Variants in RELA observed in about 807,000 individuals in gnomAD.
RELA encodes the protein RELA proto-oncogene, NF-kB subunit, also known as transcription factor p65.
In RELA, 14 loss-of-function variants were observed where a neutral mutation model predicts 56.7. The observed-to-expected ratio is 0.25, with a 90% confidence interval of 0.16 to 0.39. The LOEUF is 0.39. Ranked by LOEUF, RELA falls within the 10% of genes least tolerant of loss-of-function variation. The pLI is 1.00. For missense variants in RELA, 559 were observed against 736.4 expected, an observed-to-expected ratio of 0.76 and a Z score of 2.79; for synonymous variants, 315 against 289.7, an observed-to-expected ratio of 1.09 and a Z score of -0.89.
rs1856474078 is a variant in RELA at position 65,658,024 on chromosome 11, A to G, written c.877+263T>C. ...CCACGTGAACCCAGGCAAGTTGGAC[A>G]CTATCTCCTACTTCAAAAGGGTCAT... On this transcript the variant is annotated intron_variant, in intron 8 of 10. Transcript: ENST00000406246. This position sits in a 1 kb window ranked among gnomAD's most constrained non-coding sequence, Gnocchi z 4.5. Among the ~76,000 whole-genome samples the G allele has an allele frequency of 1.3e-5, 2 of 152,252 alleles. No individual in the cohort carries two copies. The highest frequency in any genetic ancestry group is 1.9e-4 in the East Asian group (1 of 5,206).
intron 4 of RELA, chr11:65,660,689 ACTG>A: frequency 6.2e-6 from 1 of 161,560 alleles, no homozygotes; most frequent in Non-Finnish European, 1.4e-5. Context: ...CAGGACTGAA[ACTG>A]TTACTCTGAC....
intron 4 of RELA, among the ~76,000 whole-genome samples, chr11:65,661,178 C>G (rs965029179): frequency 2.6e-5 from 4 of 152,176 alleles, no homozygotes; most frequent in Admixed American, 6.5e-5. Context: ...TAGGCGCATG[C>G]CACCATACCC....
Position 65,662,803 on chromosome 11 carries a change from G to A in RELA, c.7+23C>T, listed in dbSNP as rs1856608060. The A allele has an allele frequency of 5.8e-6, 7 of 1,199,768 alleles. No individual in the cohort carries two copies. In the South Asian group the frequency reaches 2.5e-4, roughly 43 times the overall value. 74.3% of individuals were successfully genotyped at this position (1,199,768 alleles called of 1,614,324 possible). A position where few individuals can be genotyped will look rare whatever the true frequency, so the allele number is the denominator to read the frequency against. ...GCGGCGGCCCCGGCGATGCCACCCCGCGGGGTCAGAGGGCGACCTCACCGT... is the reference window on the plus strand; with the variant it reads ...GCGGCGGCCCCGGCGATGCCACCCCACGGGGTCAGAGGGCGACCTCACCGT... On this transcript the variant is annotated intron_variant, in intron 1 of 10. Coordinates refer to ENST00000406246, the MANE Select transcript of RELA (RefSeq NM_021975.4).
At chr11:65,660,843 C>G (rs1372364173) in intron 4 of RELA, 1 of 152,592 alleles carries the variant, frequency 6.6e-6, no homozygotes, top group African/African-American at 2.4e-5. Flanking sequence ...TTGAGACCAT[C>G]CTGGCTAACA....
rs1352289318 is a variant in RELA, at chr11:65,658,068, T to C, written c.877+219A>G. ...GGGTCATGAGATTAAAATCAGGTAA[T>C]CCAGTGAAGTGCCTGGAATAGGGGC... is the stretch of plus-strand genomic sequence containing the variant. On this transcript the variant is annotated intron_variant, in intron 8 of 10. Transcript: ENST00000406246. This position sits in a 1 kb window ranked among gnomAD's most constrained non-coding sequence, Gnocchi z 4.5. 6.6e-6 allele frequency among the ~76,000 whole-genome samples: 1 copy of C among 152,194 alleles called. No homozygotes were observed. Among genetic ancestry groups the C allele is most frequent in the East Asian group, 1.9e-4 (1 of 5,198 alleles).
At chr11:65,661,577 G>A in intron 4 of RELA, 110 bp downstream of exon 4, 1 of 1,013,432 alleles carries the variant, frequency 9.9e-7, no homozygotes, top group Non-Finnish European at 1.4e-6. Flanking sequence ...GTCAGGGCAA[G>A]GAGTGAGGAA....
At chr11:65,655,340 G>A in intron 10 of RELA, 1 of 568,782 alleles carries the variant, frequency 1.8e-6, no homozygotes, top group Admixed American at 3.3e-5. Flanking sequence ...CAAGTGAGCA[G>A]CGGCCTGAAG....
In RELA at chr11:65,661,949, G is replaced by A. The variant is rs369108290; in HGVS notation, c.174C>T (p.His58=). The change falls in exon 3 of 11, where the codon CAC becomes CAT. Residue 58 remains histidine, a synonymous_variant. Transcript: ENST00000406246. ...GERSTDTTKT[H]PTIKINGYTG... is the part of the protein sequence containing the mutation. Reference sequence around the variant, plus strand: ...GCGCAGTGCTGACCTTGATGGTGGGGTGGGTCTTGGTGGTATCTGTGCTCC... The same window carrying A: ...GCGCAGTGCTGACCTTGATGGTGGGATGGGTCTTGGTGGTATCTGTGCTCC... 4 of 1,613,424 alleles carry A rather than the reference G, an allele frequency of 2.5e-6. No individual in the cohort carries two copies. Among genetic ancestry groups the A allele is most frequent in the Non-Finnish European group, 3.4e-6 (4 of 1,179,728 alleles).
rs1382122315 is a variant in RELA at position 65,654,425 on chromosome 11, T to C, written c.1609A>G (p.Ile537Val). ...LLSGDEDFSS[I>V]ADMDFSALLS... ...AGGGCTGAGAAGTCCATGTCCGCAA[T>C]GGAGGAGAAGTCTTCATCTCCTGAA... Residue 537 changes from isoleucine (I) to valine (V), a missense_variant, in exon 11 of 11, where the codon ATT becomes GTT. By Grantham distance (29) the Ile-to-Val change is conservative. Coordinates refer to ENST00000406246, the MANE Select transcript of RELA (RefSeq NM_021975.4). The C allele has an allele frequency of 5.6e-6, 9 of 1,611,566 alleles. No homozygotes were observed. Among genetic ancestry groups the C allele is most frequent in the Non-Finnish European group, 7.6e-6 (9 of 1,179,076 alleles).
intron 6 of RELA, 60 bp downstream of exon 6, chr11:65,659,606 A>G: frequency 6.2e-7 from 1 of 1,603,524 alleles, no homozygotes; most frequent in Non-Finnish European, 8.5e-7. Context: ...ACTCACCCCA[A>G]CCCCCTTCCT....
At chr11:65,659,194 C>T (rs1856502270) in intron 6 of RELA, among the ~76,000 whole-genome samples, 1 of 152,312 alleles carries the variant, frequency 6.6e-6, no homozygotes, top group South Asian at 2.1e-4. Context: ...CTCCTGACCC[C>T]CAGTTTATCC....
intron 8 of RELA, 55 bp from the exon 9 acceptor site, chr11:65,655,990 G>A (rs763101428): frequency 2.1e-6 from 3 of 1,456,106 alleles, no homozygotes; most frequent in Non-Finnish European, 2.9e-6. Flanking sequence ...GGTCCCCGAC[G>A]CTCTCAAAGG....
Position 65,654,756 on chromosome 11 carries a change from G to C in RELA, c.1278C>G (p.Pro426=), listed in dbSNP as rs760777878. Residue 426 remains proline, a synonymous_variant, in exon 11 of 11, where the codon CCC becomes CCG. Transcript: ENST00000406246. ...TTCCTTCCCCAGCCTGGGTGGGCTT[G>C]GGGGCAGGTGGGGCCACAGCCTGAG... The part of the protein sequence containing the change: ...GPPQAVAPPA[P]KPTQAGEGTL... The C allele has an allele frequency of 1.3e-6, 2 of 1,503,714 alleles. No homozygotes were observed. The allele number at this position is 1,503,714 out of a possible 1,614,324, so 93.1% of individuals were successfully genotyped here.
Position 65,654,706 on chromosome 11 carries a change from A to T in RELA, c.1328T>A (p.Leu443Gln). The change falls in exon 11 of 11, where the codon CTG becomes CAG. Residue 443 changes from leucine to glutamine, a missense_variant. Transcript: ENST00000406246. ...EGTLSEALLQLQFDDEDLGAL... is the reference protein window; with the variant it reads ...EGTLSEALLQQQFDDEDLGAL... The stretch of plus-strand genomic sequence containing the variant: ...CCCCAGGTCTTCATCATCAAACTGC[A>T]GCTGCAGCAGGGCCTCTGACAGCGT... 6.5e-7 allele frequency: 1 copy of T among 1,539,964 alleles called. No individual in the cohort carries two copies. Among genetic ancestry groups the T allele is most frequent in the Non-Finnish European group, 8.7e-7 (1 of 1,145,106 alleles).
chr11:65,659,962 GT>G, intron 5 of RELA, 161 bp downstream of exon 5: 2 of 1,161,022 alleles, frequency 1.7e-6, no homozygotes, highest in South Asian at 2.8e-5. Context: ...TGAATGTCAT[GT>G]CCCCTCCTGG....
upstream of RELA, chr11:65,663,001 G>A (rs1856614542): frequency 5.3e-6 from 2 of 373,910 alleles, no homozygotes; most frequent in South Asian, 1.3e-4. Context: ...GCAGGGGCCG[G>A]GAGCAAGTGC....
chr11:65,655,391 C>T (rs2135551733), intron 10 of RELA: 3 of 586,842 alleles, frequency 5.1e-6, no homozygotes, highest in East Asian at 2.8e-5. Context: ...CAGGCACACA[C>T]ATCTTGCTAA....
At position 65,653,836 on chromosome 11, in the gene RELA, C is replaced by A; in HGVS notation, c.*542G>T. 5.6e-6 allele frequency: 1 copy of A among 177,932 alleles called. No homozygotes were observed. The highest frequency in any genetic ancestry group is 1.2e-5 in the Non-Finnish European group (1 of 83,252). The allele number at this position is 177,932 out of a possible 1,614,324, so 11.0% of individuals were successfully genotyped here. A position where few individuals can be genotyped will look rare whatever the true frequency, so the allele number is the denominator to read the frequency against. ...TGCTGTTGCACTGGTTTCCTTCAGC[C>A]ATGGTTGAGCAAGGAAAGAGCCGGC... On this transcript the variant is annotated 3_prime_UTR_variant, in exon 11 of 11. Transcript: ENST00000406246.
rs1205233542 is a variant in RELA, at chr11:65,654,453, G to A, written c.1581C>T (p.Leu527=). 6.2e-7 allele frequency: 1 copy of A among 1,609,202 alleles called. No individual in the cohort carries two copies. Among genetic ancestry groups the A allele is most frequent in the Non-Finnish European group, 8.5e-7 (1 of 1,178,088 alleles). The part of the protein sequence containing the change: ...PLGAPGLPNG[L]LSGDEDFSSI... ...AGGAGAAGTCTTCATCTCCTGAAAG[G>A]AGGCCATTGGGGAGCCCCGGGGCCC... Residue 527 remains leucine, a synonymous_variant, in exon 11 of 11, where the codon CTC becomes CTT. Coordinates refer to ENST00000406246, the MANE Select transcript of RELA (RefSeq NM_021975.4).
Sources: gnomAD v4.1 joint callset for allele counts (sites outside exome capture counted in the v4.1 genomes callset) on GRCh38, gnomAD v4.1.1 for gene constraint, Gnocchi (gnomAD v3.1) non-coding constraint, MANE v1.5 for transcripts, NCBI Gene and HGNC (gene_info 2026-07-23, HGNC 2026-07-21) for gene names.